MYBBP1A: variants seen among roughly 807,000 people sequenced by gnomAD.
MYBBP1A encodes the protein myb-binding protein 1A.
Under a neutral mutation model 136.3 loss-of-function variants are expected in MYBBP1A, and 147 were observed. The observed-to-expected ratio is 1.08, with a 90% CI of 0.94 to 1.24. MYBBP1A has a LOEUF of 1.24. Among genes scored for constraint, MYBBP1A ranks in the 50% most tolerant of loss-of-function variants. The pLI, the probability that MYBBP1A is intolerant of heterozygous loss-of-function variation, is 0.00. For synonymous variants in MYBBP1A, 947 were observed against 735.8 expected (o/e 1.29, Z -4.65); for missense variants, 2,060 against 1,727.4 (o/e 1.19, Z -3.41).
chr17:4,541,339 T>C, intron 24 of MYBBP1A, 124 bp downstream of exon 24: 1 of 854,036 alleles, frequency 1.2e-6, no homozygotes, highest in East Asian at 2.4e-5. Context: ...GCCCAGGCAC[T>C]GAGAAGTTTC....
rs2144489772 is a variant in MYBBP1A, at chr17:4,550,172, G to A, written c.1205C>T (p.Ala402Val). 6.8e-6 allele frequency: 11 copies of A among 1,613,970 alleles called. No homozygotes were observed. Among genetic ancestry groups the A allele is most frequent in the Non-Finnish European group, 9.3e-6 (11 of 1,180,048 alleles). ...CAGCCAGGCCACATAGCCCTGCAGG[G>A]CCGGAGGGCTCAGGAACCGCACGAC... ...WRVVRFLSPP[A>V]LQGYVAWLRA... The change falls in exon 9 of 26, where the codon GCC becomes GTC. Residue 402 changes from alanine (A) to valine (V), a missense_variant. Coordinates refer to ENST00000254718, the MANE Select transcript of MYBBP1A (RefSeq NM_014520.4).
Position 4,542,512 on chromosome 17 carries a change from G to C in MYBBP1A, c.3039C>G (p.Leu1013=). The part of the protein sequence containing the change: ...SRHPVLCQSL[L]PILVQHITGP... ...CCGTGATATGCTGGACCAGGATGGGGAGCAGGCTCTGACAGAGCACCTGGT... is the reference window on the plus strand; with the variant it reads ...CCGTGATATGCTGGACCAGGATGGGCAGCAGGCTCTGACAGAGCACCTGGT... The change falls in exon 22 of 26, where the codon CTC becomes CTG. Residue 1013 remains leucine, a synonymous_variant. Transcript: ENST00000254718. The C allele has an allele frequency of 1.2e-6, 2 of 1,612,538 alleles. No individual in the cohort carries two copies. Among genetic ancestry groups the C allele is most frequent in the African/African-American group, 2.7e-5 (2 of 75,016 alleles).
rs778985296 is a variant in MYBBP1A, at chr17:4,539,496, C to A, written c.3906G>T (p.Leu1302=). The A allele has an allele frequency of 1.7e-5, 28 of 1,614,076 alleles. No homozygotes were observed. Among genetic ancestry groups the A allele is most frequent in the Non-Finnish European group, 8.5e-7 (1 of 1,180,042 alleles). The change falls in exon 26 of 26, where the codon CTG becomes CTT. Residue 1302 remains leucine, a synonymous_variant. Transcript: ENST00000254718. ...GGCTGGGACTCCTGATGACCAAAGA[C>A]AGCCTTGCCTTTTTCCGTGCCAGCG... ...LSALARKKAR[L]SLVIRSPSLL... is the part of the protein sequence containing the mutation.
In MYBBP1A at chr17:4,552,650, C is replaced by A. The variant is rs371652886; in HGVS notation, c.562-24G>T. On this transcript the variant is annotated intron_variant, in intron 5 of 25. Transcript: ENST00000254718. This position sits in a 1 kb window ranked among gnomAD's most constrained non-coding sequence, Gnocchi z 4.7. ...ACCTAAGGATGGAGGGAGAAGAAAT[C>A]GTGACTTCCTCTGCGGGGTGAGCCT... The A allele has an allele frequency of 6.2e-7, 1 of 1,605,444 alleles. No individual in the cohort carries two copies. Among genetic ancestry groups the A allele is most frequent in the South Asian group, 1.1e-5 (1 of 90,614 alleles).
intron 13 of MYBBP1A, among the ~76,000 whole-genome samples, chr17:4,546,324 G>A (rs1055790042): frequency 4.6e-5 from 7 of 152,152 alleles, no homozygotes; most frequent in South Asian, 2.1e-4. Flanking sequence ...TCACCATGTT[G>A]GCCAGGCTGG....
In MYBBP1A at chr17:4,543,039, G is replaced by T. The variant is rs768233408; in HGVS notation, c.2766C>A (p.Tyr922Ter). The T allele has an allele frequency of 6.2e-7, 1 of 1,613,556 alleles. No individual in the cohort carries two copies. The highest frequency in any genetic ancestry group is 1.3e-5 in the African/African-American group (1 of 74,930). ...GRQPDSPTAL[Y>*]HFNASLYLLR... ...GCAGGTAGAGAGAGGCGTTGAAGTG[G>T]TAGAGGGCGGTGGGGGAGTCGGGCT... The change falls in exon 20 of 26, where the codon TAC becomes TAA. Residue 922 changes from tyrosine (Y) to a stop codon, truncating the protein, a stop_gained. Transcript: ENST00000254718. LOFTEE classifies it high-confidence loss of function.
At position 4,553,846 on chromosome 17, in the gene MYBBP1A, C is replaced by T; in HGVS notation, c.525G>A (p.Glu175=). The change falls in exon 5 of 26, where the codon GAG becomes GAA. Residue 175 remains glutamate, a synonymous_variant. Coordinates refer to ENST00000254718, the MANE Select transcript of MYBBP1A (RefSeq NM_014520.4). ...TGTCCACCAGGGCCTTCCGGGGCTG[C>T]TCCTGCAAGTGGTTTTGGTACTGGG... is the stretch of plus-strand genomic sequence containing the variant. ...ALAQYQNHLQ[E]QPRKALVDIL... is the part of the protein sequence containing the mutation. 6.2e-7 allele frequency: 1 copy of T among 1,614,074 alleles called. No homozygotes were observed. Among genetic ancestry groups the T allele is most frequent in the Non-Finnish European group, 8.5e-7 (1 of 1,180,034 alleles).
chr17:4,552,521 G>A lies in MYBBP1A; in HGVS notation c.667C>T (p.Gln223Ter). The A allele has an allele frequency of 6.2e-7, 1 of 1,613,972 alleles. No individual in the cohort carries two copies. Among genetic ancestry groups the A allele is most frequent in the Non-Finnish European group, 8.5e-7 (1 of 1,180,032 alleles). Reference protein sequence around the residue: ...EQLELFLLAQQKVPSKLKKLV... With the variant: ...EQLELFLLAQ ...TTCTTGAGCTTGGAGGGCACCTTCT[G>A]CTGGGCCAGGAGGAAGAGCTCTAGC... Residue 223 changes from glutamine to a stop codon, truncating the protein, a stop_gained, in exon 6 of 26, where the codon CAG becomes TAG. Coordinates refer to ENST00000254718, the MANE Select transcript of MYBBP1A (RefSeq NM_014520.4). LOFTEE classifies it high-confidence loss of function. This position sits in a 1 kb window ranked among gnomAD's most constrained non-coding sequence, Gnocchi z 4.7.
Position 4,541,930 on chromosome 17 carries a change from C to T in MYBBP1A, c.3088-39G>A, listed in dbSNP as rs374602730. The T allele has an allele frequency of 2.6e-5, 41 of 1,551,868 alleles. 1 individual carries two copies. In the African/African-American group the frequency reaches 4.9e-4, roughly 19 times the overall value. On this transcript the variant is annotated intron_variant, in intron 22 of 25. Coordinates refer to ENST00000254718, the MANE Select transcript of MYBBP1A (RefSeq NM_014520.4). ...AAGGTGGGTGGCAGGAGCCTTGGCA[C>T]GTTGGGTGCTCACGGCTCAGGGATG...
intron 2 of MYBBP1A, among the ~76,000 whole-genome samples, chr17:4,554,483 C>T (rs1907846910): frequency 6.6e-6 from 1 of 152,160 alleles, no homozygotes; most frequent in East Asian, 1.9e-4. Context: ...GTGGTCTGAG[C>T]TCCCCTCAGG....
Position 4,539,906 on chromosome 17 carries a change from T to TGATGGGGCTCTGGGTGGC in MYBBP1A, c.3478_3495dup (p.Ala1160_Ile1165dup). On this transcript the variant is annotated inframe_insertion, in exon 26 of 26. Transcript: ENST00000254718. ...AATCCCTTTTTCTTCCGCTTCTTAC[T>TGATGGGGCTCTGGGTGGC]GATGGGGCTCTGGGTGGCACTGGGG... The TGATGGGGCTCTGGGTGGC allele has an allele frequency of 6.2e-7, 1 of 1,600,754 alleles. No individual in the cohort carries two copies. Among genetic ancestry groups the TGATGGGGCTCTGGGTGGC allele is most frequent in the Non-Finnish European group, 8.5e-7 (1 of 1,179,934 alleles).
chr17:4,555,367 C>G lies in MYBBP1A; in HGVS notation c.-43G>C. 1.9e-6 allele frequency: 3 copies of G among 1,557,664 alleles called. No individual in the cohort carries two copies. The South Asian group carries it at 3.5e-5, about 18-fold the overall frequency. ...AAACACGAAACACGTGTGCTCCGGC[C>G]CCAGCCGCTTCCAGGTCAGGGCACG... is the stretch of plus-strand genomic sequence containing the variant. On this transcript the variant is annotated 5_prime_UTR_variant, in exon 1 of 26. Coordinates refer to ENST00000254718, the MANE Select transcript of MYBBP1A (RefSeq NM_014520.4).
chr17:4,542,750 G>A lies in MYBBP1A; in HGVS notation c.2893-9C>T, dbSNP rs1163733683. The A allele has an allele frequency of 1.2e-6, 2 of 1,613,384 alleles. No individual in the cohort carries two copies. Among genetic ancestry groups the A allele is most frequent in the African/African-American group, 1.3e-5 (1 of 74,926 alleles). On this transcript the variant is annotated splice_polypyrimidine_tract_variant and intron_variant, in intron 20 of 25. Transcript: ENST00000254718. Reference sequence around the variant, plus strand: ...TCCAAGCAGCTGGCAGCCTAGGCCAGGGGAGAGCGAGCTGGGTGAGGCCAG... The same window carrying A: ...TCCAAGCAGCTGGCAGCCTAGGCCAAGGGAGAGCGAGCTGGGTGAGGCCAG...
intron 19 of MYBBP1A, 104 bp downstream of exon 19, chr17:4,544,385 G>A (rs2144445711): frequency 2.1e-6 from 3 of 1,451,696 alleles, no homozygotes; most frequent in East Asian, 2.5e-5. Flanking sequence ...CAGGCTGGAA[G>A]CTTGGCTCTC....
chr17:4,553,941 G>C, intron 4 of MYBBP1A, 24 bp from the exon 5 acceptor site: 1 of 1,613,780 alleles, frequency 6.2e-7, no homozygotes, highest in South Asian at 1.1e-5. Flanking sequence ...AGGGACAGAG[G>C]GTATGAGCAG....
In MYBBP1A at chr17:4,539,203, T is replaced by G; in HGVS notation, c.*212A>C. The stretch of plus-strand genomic sequence containing the variant: ...CAGGGTCCCAGCCCAGAACCGGGGG[T>G]GGGGAGGTCTCTGCACCCTGGGACC... On this transcript the variant is annotated 3_prime_UTR_variant, in exon 26 of 26. Transcript: ENST00000254718. 1 of 1,451,350 alleles carries G rather than the reference T, an allele frequency of 6.9e-7. No individual in the cohort carries two copies. The highest frequency in any genetic ancestry group is 2.5e-4 in the Middle Eastern group (1 of 3,922). The allele number at this position is 1,451,350 out of a possible 1,614,324, so 89.9% of individuals were successfully genotyped here.
chr17:4,545,866 C>G lies in MYBBP1A; in HGVS notation c.1901G>C (p.Arg634Pro), dbSNP rs113084159. Residue 634 changes from arginine to proline, a missense_variant, in exon 14 of 26, where the codon CGG (arginine) becomes CCG (proline). Arg to Pro is a moderately radical substitution (Grantham distance 103, BLOSUM62 -2). Coordinates refer to ENST00000254718, the MANE Select transcript of MYBBP1A (RefSeq NM_014520.4). ...IRKSLGEKPR[R>P]SRTKTIDPQE... ...CCCACCGATGGTCTTGGTGCGGCTC[C>G]GGCGGGGCTTCTCTCCCAGACTTTT... The G allele has an allele frequency of 5.2e-5, 84 of 1,613,254 alleles. 4 individuals carry two copies. In the South Asian group the frequency reaches 8.9e-4, roughly 17 times the overall value.
At position 4,546,372 on chromosome 17, in the gene MYBBP1A, CCCTTGGCCT is replaced by C. The variant is rs562879721; in HGVS notation, c.1825-439_1825-431del. Among the ~76,000 whole-genome samples, 6 of 152,098 alleles carry C rather than the reference CCCTTGGCCT, an allele frequency of 3.9e-5. No individual in the cohort carries two copies. In the East Asian group the frequency reaches 5.8e-4, roughly 15 times the overall value. The stretch of plus-strand genomic sequence containing the variant: ...GACCTCGTGATCCACCCCCTTGCCC[CCCTTGGCCT>C]CCCAAAGTGCTGGGATTGCAGGTGT... On this transcript the variant is annotated intron_variant, in intron 13 of 25. Coordinates refer to ENST00000254718, the MANE Select transcript of MYBBP1A (RefSeq NM_014520.4).
At chr17:4,544,363 G>C (rs559415491) in intron 19 of MYBBP1A, 126 bp downstream of exon 19, 9 of 1,291,934 alleles carry the variant, frequency 7.0e-6, no homozygotes, top group Non-Finnish European at 8.4e-6. Flanking sequence ...GTGAGCCTGC[G>C]AGCTAGGGGC....
Sources: allele counts gnomAD v4.1 joint callset (sites outside exome capture counted in the v4.1 genomes callset), GRCh38; gene constraint gnomAD v4.1.1; non-coding constraint Gnocchi (gnomAD v3.1); transcripts MANE v1.5; gene names NCBI Gene and HGNC (gene_info 2026-07-23, HGNC 2026-07-21).